The following SPAG16 variants were observed in gnomAD, a reference collection of about 807,000 sequenced individuals.
SPAG16 encodes the protein sperm associated antigen 16.
SPAG16 carries 86 observed loss-of-function variants against 80.4 expected under a neutral mutation model. That is an observed-to-expected ratio of 1.07 (90% CI 0.90 to 1.28). SPAG16 has a LOEUF of 1.28. Ranked by LOEUF, SPAG16 falls within the 50% of genes most tolerant of loss-of-function variation. The pLI is 0.00. For missense variants in SPAG16, 870 were observed against 765.3 expected (o/e 1.14, Z -1.61); for synonymous variants, 294 against 265.9 (o/e 1.11, Z -1.03).
chr2:213,827,827 G>A (rs1206135997), intron 10 of SPAG16, among the ~76,000 whole-genome samples: 1 of 151,726 alleles, frequency 6.6e-6, no homozygotes, highest in Non-Finnish European at 1.5e-5. Flanking sequence ...CTTTAAATAT[G>A]TCATGCCATT....
intron 15 of SPAG16, among the ~76,000 whole-genome samples, chr2:214,184,111 A>G (rs575427498): frequency 4.9e-4 from 75 of 152,196 alleles, no homozygotes; most frequent in African/African-American, 1.6e-3. Flanking sequence ...TGCCAACCAT[A>G]TATCATATGA....
chr2:213,660,847 C>T (rs1241818928), intron 10 of SPAG16, among the ~76,000 whole-genome samples: 2 of 152,228 alleles, frequency 1.3e-5, no homozygotes, highest in African/African-American at 2.4e-5. Context: ...CGATCATGTG[C>T]TTGATATACT....
At chr2:213,892,326 T>C (rs1237159584) in intron 11 of SPAG16, among the ~76,000 whole-genome samples, 2 of 150,958 alleles carry the variant, frequency 1.3e-5, no homozygotes. Context: ...TGAGGAAATG[T>C]ATCCAATAAA....
chr2:213,955,289 C>A (rs941652944), intron 12 of SPAG16, among the ~76,000 whole-genome samples: 2 of 151,988 alleles, frequency 1.3e-5, no homozygotes, highest in Non-Finnish European at 2.9e-5. Flanking sequence ...ATGTTTTCTT[C>A]CAGGAGTTTT....
intron 10 of SPAG16, among the ~76,000 whole-genome samples, chr2:213,701,398 G>C (rs956074766): frequency 6.6e-6 from 1 of 152,240 alleles, no homozygotes; most frequent in East Asian, 1.9e-4. Flanking sequence ...AGGTGCCAAC[G>C]TGCTAGCAGC....
intron 12 of SPAG16, among the ~76,000 whole-genome samples, chr2:213,972,867 G>A (rs1393430361): frequency 6.6e-6 from 1 of 152,002 alleles, no homozygotes; most frequent in East Asian, 1.9e-4. Flanking sequence ...CCTCCACTCT[G>A]TGGGTTGTGT....
chr2:213,703,191 G>T (rs2125333775), intron 10 of SPAG16, among the ~76,000 whole-genome samples: 1 of 152,266 alleles, frequency 6.6e-6, no homozygotes, highest in Admixed American at 6.5e-5. Flanking sequence ...GAGGAAGAGT[G>T]AGATCTAAAC....
intron 9 of SPAG16, among the ~76,000 whole-genome samples, chr2:213,413,447 G>A (rs561101246): frequency 1.3e-5 from 2 of 152,020 alleles, no homozygotes; most frequent in Non-Finnish European, 2.9e-5. Flanking sequence ...AATTAAAATT[G>A]TTGAGCATCT....
Position 214,108,192 on chromosome 2 carries a change from CT to C in SPAG16, c.1528-3del, listed in dbSNP as rs751141807. On this transcript the variant is annotated splice_region_variant and splice_polypyrimidine_tract_variant and intron_variant, in intron 13 of 15. Coordinates refer to ENST00000331683, the MANE Select transcript of SPAG16 (RefSeq NM_024532.5). ...TTGACTCTGTTTCTGCTTTGTCTTC[CT>C]AGGGTATATGTGAGCAGTCACTTTA... The C allele has an allele frequency of 5.1e-6, 8 of 1,556,940 alleles. No homozygotes were observed. The Admixed American group carries it at 1.4e-4, about 27-fold the overall frequency.
chr2:213,625,844 C>T (rs1359569675), intron 10 of SPAG16, among the ~76,000 whole-genome samples: 1 of 151,970 alleles, frequency 6.6e-6, no homozygotes, highest in Non-Finnish European at 1.5e-5. Flanking sequence ...CCCACCACCA[C>T]ACCCAGCTAA....
At chr2:214,302,004 T>C (rs1694585346) in intron 15 of SPAG16, among the ~76,000 whole-genome samples, 1 of 152,166 alleles carries the variant, frequency 6.6e-6, no homozygotes, top group Non-Finnish European at 1.5e-5. Flanking sequence ...GAATTTTTTT[T>C]TTATTTCTGC....
chr2:213,410,601 T>G (rs546278657), intron 9 of SPAG16, among the ~76,000 whole-genome samples: 7 of 152,326 alleles, frequency 4.6e-5, no homozygotes, highest in African/African-American at 1.7e-4. Context: ...AACCCTACAT[T>G]CATTTTACTA....
At chr2:213,512,840 C>T (rs2075278762) in intron 10 of SPAG16, among the ~76,000 whole-genome samples, 1 of 152,172 alleles carries the variant, frequency 6.6e-6, no homozygotes, top group South Asian at 2.1e-4. Context: ...TTGAAAGAGA[C>T]TGCCAACAAT....
intron 10 of SPAG16, among the ~76,000 whole-genome samples, chr2:213,730,586 A>T (rs2081724): frequency 2.6e-5 from 4 of 152,206 alleles, no homozygotes; most frequent in East Asian, 1.9e-4. Flanking sequence ...TCTATAGATA[A>T]GGCATTATTT....
chr2:213,509,014 TGAGATGGAG>T (rs1387028127), intron 10 of SPAG16, among the ~76,000 whole-genome samples: 22 of 151,156 alleles, frequency 1.5e-4, no homozygotes, highest in African/African-American at 4.9e-4. Flanking sequence ...CTTTTTTTTT[TGAGATGGAG>T]TCTCACTCTT....
Position 214,014,017 on chromosome 2 carries a change from C to G in SPAG16, c.1467C>G (p.Phe489Leu). Residue 489 changes from phenylalanine (F) to leucine (L), a missense_variant, in exon 13 of 16, where the codon TTC (phenylalanine) becomes TTG (leucine). Physicochemically the swap from Phe to Leu is conservative, Grantham distance 22. Transcript: ENST00000331683. Reference protein sequence around the residue: ...DSVNSIEFFPFSNTLLTSSAD... With the variant: ...DSVNSIEFFPLSNTLLTSSAD... ...TGAACAGCATTGAGTTTTTTCCTTT[C>G]TCCAATACTCTTCTCACAAGCTCTG... 6 of 1,613,512 alleles carry G rather than the reference C, an allele frequency of 3.7e-6. No individual in the cohort carries two copies. The highest frequency in any genetic ancestry group is 5.1e-6 in the Non-Finnish European group (6 of 1,179,742).
chr2:214,383,511 C>T (rs562406102), intron 15 of SPAG16, among the ~76,000 whole-genome samples: 38 of 147,070 alleles, frequency 2.6e-4, no homozygotes, highest in African/African-American at 7.5e-4. Flanking sequence ...ACAGAGGTTG[C>T]GGTGAGCCAA....
rs56011234 is a variant in SPAG16 at position 213,531,359 on chromosome 2, AGTGT to A, written c.1070+41304_1070+41307del. Among the ~76,000 whole-genome samples the A allele has an allele frequency of 5.4e-3, 770 of 142,116 alleles. 3 individuals carry two copies. The highest frequency in any genetic ancestry group is 7.1e-3 in the Admixed American group (100 of 14,096). 93.2% of individuals were successfully genotyped at this position (142,116 alleles called of 152,430 possible). On this transcript the variant is annotated intron_variant, in intron 10 of 15. Coordinates refer to ENST00000331683, the MANE Select transcript of SPAG16 (RefSeq NM_024532.5). Reference sequence around the variant, plus strand: ...TTTTCTGTTTATTAAAAAAGATGTGAGTGTGTGTGTGTGTGTGTGTGTGTGTGTG... The same window carrying A: ...TTTTCTGTTTATTAAAAAAGATGTGAGTGTGTGTGTGTGTGTGTGTGTGTG...
chr2:213,511,102 A>G (rs2075208012), intron 10 of SPAG16, among the ~76,000 whole-genome samples: 1 of 152,162 alleles, frequency 6.6e-6, no homozygotes, highest in African/African-American at 2.4e-5. Context: ...ATATTAATAT[A>G]AAGTTCTTGA....
Sources: allele counts gnomAD v4.1 joint callset (sites outside exome capture counted in the v4.1 genomes callset), GRCh38; gene constraint gnomAD v4.1.1; transcripts MANE v1.5; gene names NCBI Gene and HGNC (gene_info 2026-07-23, HGNC 2026-07-21).